Variants in METTL25 observed in about 807,000 individuals in gnomAD.
The protein encoded by METTL25 is probable methyltransferase-like protein 25.
In METTL25, 64 loss-of-function variants were observed where a neutral mutation model predicts 71.6. That is an observed-to-expected ratio of 0.89 (90% CI 0.73 to 1.10). The LOEUF (loss-of-function observed/expected upper bound fraction) is 1.10, where lower values mean the gene tolerates loss of function less well. METTL25 is among the 50% of genes least tolerant of loss of function. The pLI, the probability that METTL25 is intolerant of heterozygous loss-of-function variation, is 0.00. For synonymous variants in METTL25, 287 were observed against 250.3 expected (o/e 1.15, Z -1.38); for missense variants, 807 against 707.0 (o/e 1.14, Z -1.60).
At chr12:82,401,798 A>G (rs982044270) in intron 4 of METTL25, among the ~76,000 whole-genome samples, 3 of 152,084 alleles carry the variant, frequency 2.0e-5, no homozygotes, top group African/African-American at 2.4e-5. Context: ...TAATATACCT[A>G]TATTCACAGA....
chr12:82,467,683 C>T (rs1363986715), intron 9 of METTL25, among the ~76,000 whole-genome samples: 1 of 151,930 alleles, frequency 6.6e-6, no homozygotes, highest in African/African-American at 2.4e-5. Flanking sequence ...TTATATGTGG[C>T]TTGATGCTTT....
At chr12:82,371,165 A>G (rs1883192257) in intron 1 of METTL25, among the ~76,000 whole-genome samples, 1 of 152,222 alleles carries the variant, frequency 6.6e-6, no homozygotes, top group Non-Finnish European at 1.5e-5. Context: ...GTCATCCAGG[A>G]CAGGAGATTA....
intron 9 of METTL25, chr12:82,468,591 A>G (rs887945979): frequency 2.6e-5 from 4 of 152,196 alleles, no homozygotes; most frequent in Admixed American, 2.6e-4. Context: ...GGTGTCATCT[A>G]TGTGCTGGGG....
chr12:82,399,251 CA>C lies in METTL25; in HGVS notation c.991del (p.Ile331TyrfsTer16), dbSNP rs758069802. On this transcript the variant is annotated frameshift_variant, in exon 4 of 12. Coordinates refer to ENST00000248306, the MANE Select transcript of METTL25 (RefSeq NM_032230.3). LOFTEE classifies it high-confidence loss of function. The part of the protein sequence containing the change: ...INAVEPTSSQ[Q>X]IPNRETSEAN... Reference sequence around the variant, plus strand: ...TGCTGTAGAGCCTACTTCTTCACAGCAAATACCCAACAGAGAAACATCTGAA... The same window carrying C: ...TGCTGTAGAGCCTACTTCTTCACAGCAATACCCAACAGAGAAACATCTGAA... 8.1e-6 allele frequency: 13 copies of C among 1,613,464 alleles called. No individual in the cohort carries two copies. The African/African-American group carries it at 1.7e-4, about 22-fold the overall frequency.
chr12:82,429,282 T>C (rs774293607), intron 5 of METTL25, among the ~76,000 whole-genome samples: 15 of 151,652 alleles, frequency 9.9e-5, no homozygotes, highest in Middle Eastern at 3.2e-3. Flanking sequence ...CTCTCACATA[T>C]GAGTGAGAAT....
chr12:82,371,035 A>G (rs1042067873), intron 1 of METTL25, among the ~76,000 whole-genome samples: 4 of 152,236 alleles, frequency 2.6e-5, no homozygotes, highest in Non-Finnish European at 5.9e-5. Flanking sequence ...GGCATGTAGG[A>G]TTAAATGAAC....
intron 3 of METTL25, among the ~76,000 whole-genome samples, chr12:82,398,094 A>G (rs1886239477): frequency 6.6e-6 from 1 of 152,032 alleles, no homozygotes; most frequent in Non-Finnish European, 1.5e-5. Flanking sequence ...TTTCATGAAC[A>G]TAGTATATCT....
chr12:82,389,749 C>A, intron 2 of METTL25, 67 bp from the exon 3 acceptor site: 2 of 916,462 alleles, frequency 2.2e-6, no homozygotes, highest in African/African-American at 1.7e-5. Flanking sequence ...AAAATATGAA[C>A]ATCTAACTGA....
intron 4 of METTL25, among the ~76,000 whole-genome samples, chr12:82,400,794 CTTAAATATT>C (rs1243429626): frequency 6.6e-6 from 1 of 152,024 alleles, no homozygotes; most frequent in East Asian, 1.9e-4. Flanking sequence ...TCTCGCAATA[CTTAAATATT>C]TTACTAGTAG....
At chr12:82,476,316 CA>C (rs528243904) in intron 9 of METTL25, 22 of 203,254 alleles carry the variant, frequency 1.1e-4, no homozygotes, top group Non-Finnish European at 1.8e-4. Flanking sequence ...TAATTTTAGT[CA>C]AAAAATGTTT....
intron 8 of METTL25, chr12:82,439,101 C>A: frequency 5.6e-6 from 1 of 178,504 alleles, no homozygotes; most frequent in Non-Finnish European, 1.2e-5. Context: ...GAGCAAGAGT[C>A]ATATTTAGAA....
chr12:82,405,448 G>A (rs1227840963), intron 5 of METTL25, among the ~76,000 whole-genome samples: 1 of 151,946 alleles, frequency 6.6e-6, no homozygotes, highest in Non-Finnish European at 1.5e-5. Context: ...GTAACCAGAA[G>A]GTGTCATTAC....
At chr12:82,432,526 TAGAA>T (rs1355873651) in intron 6 of METTL25, among the ~76,000 whole-genome samples, 1 of 151,656 alleles carries the variant, frequency 6.6e-6, no homozygotes, top group Non-Finnish European at 1.5e-5. Flanking sequence ...TAATATCCCT[TAGAA>T]AGACAAAAGA....
At chr12:82,433,717 T>C (rs1889707388) in intron 6 of METTL25, among the ~76,000 whole-genome samples, 1 of 151,718 alleles carries the variant, frequency 6.6e-6, no homozygotes, top group South Asian at 2.1e-4. Context: ...TGAAAAGATA[T>C]TGTAAATTAT....
Position 82,430,906 on chromosome 12 carries a change from A to G in METTL25, c.1293A>G (p.Glu431=). Residue 431 remains glutamate (E), a synonymous_variant, in exon 6 of 12, where the codon GAA becomes GAG. Transcript: ENST00000248306. ...CCCCATCTGCAGAACGTACTCAGGA[A>G]AAGTGGGGATTTCCAATGTGCCACT... is the stretch of plus-strand genomic sequence containing the variant. ...FENQHKERTQ[E]KWGFPMCHYL... is the part of the protein sequence containing the mutation. The G allele has an allele frequency of 2.5e-6, 4 of 1,589,350 alleles. No homozygotes were observed. Among genetic ancestry groups the G allele is most frequent in the Non-Finnish European group, 3.4e-6 (4 of 1,163,646 alleles).
chr12:82,476,727 C>G lies in METTL25; in HGVS notation c.1647+9C>G, dbSNP rs374870298. 6 of 1,546,248 alleles carry G rather than the reference C, an allele frequency of 3.9e-6. No individual in the cohort carries two copies. The highest frequency in any genetic ancestry group is 5.3e-6 in the Non-Finnish European group (6 of 1,133,954). On this transcript the variant is annotated intron_variant, in intron 10 of 11. Transcript: ENST00000248306. ...TGGAAGCTTTTAATATGGTAAATCT[C>G]AGAGTTAAGCATATTAAATTGGATA...
At chr12:82,391,799 T>C (rs1381719463) in intron 3 of METTL25, among the ~76,000 whole-genome samples, 1 of 151,438 alleles carries the variant, frequency 6.6e-6, no homozygotes, top group Non-Finnish European at 1.5e-5. Flanking sequence ...TTTAGTGTTT[T>C]GAAGAACCTC....
intron 1 of METTL25, among the ~76,000 whole-genome samples, chr12:82,379,116 A>G (rs2136906689): frequency 6.6e-6 from 1 of 152,320 alleles, no homozygotes; most frequent in South Asian, 2.1e-4. Flanking sequence ...CCAGATCAAG[A>G]TATAAAGAGA....
At chr12:82,462,845 G>A (rs1891977391) in intron 9 of METTL25, among the ~76,000 whole-genome samples, 1 of 151,948 alleles carries the variant, frequency 6.6e-6, no homozygotes, top group African/African-American at 2.4e-5. Context: ...ATATCCTCCT[G>A]TATACTTTAG....
Sources: gnomAD v4.1 joint callset for allele counts (sites outside exome capture counted in the v4.1 genomes callset) on GRCh38, gnomAD v4.1.1 for gene constraint, MANE v1.5 for transcripts, NCBI Gene and HGNC (gene_info 2026-07-23, HGNC 2026-07-21) for gene names.